TVP23C: variants seen among roughly 807,000 people sequenced by gnomAD.
The protein encoded by TVP23C is Golgi apparatus membrane protein TVP23 homolog C.
Under a neutral mutation model 28.7 loss-of-function variants are expected in TVP23C, and 19 were observed. That is an observed-to-expected ratio of 0.66 (90% CI 0.46 to 0.97). The LOEUF is 0.97. TVP23C is among the 50% of genes least tolerant of loss of function. The pLI is 0.00. For missense variants in TVP23C, 186 were observed against 241.3 expected, an observed-to-expected ratio of 0.77 and a Z score of 1.52; for synonymous variants, 68 against 81.7, an observed-to-expected ratio of 0.83 and a Z score of 0.90.
intron 5 of TVP23C, among the ~76,000 whole-genome samples, chr17:15,541,124 C>A (rs1417529155): frequency 6.6e-6 from 1 of 152,150 alleles, no homozygotes; most frequent in African/African-American, 2.4e-5. Flanking sequence ...TGTACTTTTG[C>A]AGAGCTGTTT....
exon 6 of TVP23C, chr17:15,503,125 C>A: frequency 6.2e-7 from 1 of 1,611,508 alleles, no homozygotes; most frequent in Non-Finnish European, 8.5e-7. Flanking sequence ...AGGGATGGCC[C>A]GGGCAGCGGC....
intron 5 of TVP23C, among the ~76,000 whole-genome samples, chr17:15,543,094 C>CA (rs745370503): frequency 3.3e-5 from 5 of 150,498 alleles, no homozygotes; most frequent in Non-Finnish European, 4.4e-5. Context: ...CACAGCCAAC[C>CA]AGCAGACAAG....
intron 3 of TVP23C, among the ~76,000 whole-genome samples, chr17:15,547,429 T>C (rs1173490670): frequency 6.6e-6 from 1 of 152,032 alleles, no homozygotes; most frequent in Non-Finnish European, 1.5e-5. Context: ...TTTCTCCAGT[T>C]CCCTAATTTT....
intron 5 of TVP23C, among the ~76,000 whole-genome samples, chr17:15,509,688 C>T (rs1981920101): frequency 6.6e-6 from 1 of 152,188 alleles, no homozygotes; most frequent in Non-Finnish European, 1.5e-5. Flanking sequence ...GATTGTGCCA[C>T]TGCACTCCAG....
intron 5 of TVP23C, among the ~76,000 whole-genome samples, chr17:15,545,511 A>G (rs1219983493): frequency 4.6e-5 from 7 of 152,420 alleles, no homozygotes; most frequent in Admixed American, 3.3e-4. Context: ...GTGATTTGTT[A>G]GGCAGCAATA....
chr17:15,548,741 A>G lies in TVP23C; in HGVS notation c.241-1593T>C, dbSNP rs143075257. Among the ~76,000 whole-genome samples the G allele has an allele frequency of 1.9e-3, 293 of 151,888 alleles. 2 individuals carry two copies. Among genetic ancestry groups the G allele is most frequent in the African/African-American group, 6.9e-3 (282 of 41,154 alleles). On this transcript the variant is annotated intron_variant, in intron 3 of 5. Transcript: ENST00000518321. Reference sequence around the variant, plus strand: ...TAGTCCTCCCTTATCTGCAGGGGATACATTCCAAGACCCCCAGCAGATGCC... The same window carrying G: ...TAGTCCTCCCTTATCTGCAGGGGATGCATTCCAAGACCCCCAGCAGATGCC...
At chr17:15,523,498 C>T (rs1567634469) in intron 5 of TVP23C, among the ~76,000 whole-genome samples, 2 of 149,382 alleles carry the variant, frequency 1.3e-5, no homozygotes, top group African/African-American at 2.5e-5. Context: ...TTTGTAGAGA[C>T]GGGTTTCACC....
At chr17:15,528,845 G>C (rs1378758420) in intron 5 of TVP23C, among the ~76,000 whole-genome samples, 2 of 151,326 alleles carry the variant, frequency 1.3e-5, no homozygotes, top group South Asian at 2.1e-4. Flanking sequence ...TGACCTGCCC[G>C]CCTCAGCCTC....
chr17:15,554,528 C>T (rs186418646), intron 2 of TVP23C, among the ~76,000 whole-genome samples: 2 of 152,194 alleles, frequency 1.3e-5, no homozygotes, highest in African/African-American at 4.8e-5. Context: ...TGAGCCATCG[C>T]GCCCAGCCTG....
intron 1 of TVP23C, among the ~76,000 whole-genome samples, chr17:15,561,355 T>A (rs1984377131): frequency 6.6e-6 from 1 of 152,112 alleles, no homozygotes; most frequent in Non-Finnish European, 1.5e-5. Context: ...TCCTAGCACT[T>A]TGGAAGGCCG....
At chr17:15,505,064 A>C (rs781087758) in intron 5 of TVP23C, among the ~76,000 whole-genome samples, 1 of 152,136 alleles carries the variant, frequency 6.6e-6, no homozygotes, top group Non-Finnish European at 1.5e-5. Flanking sequence ...CATTCAACGC[A>C]TGTGTGTTCT....
intron 1 of TVP23C, among the ~76,000 whole-genome samples, chr17:15,561,337 G>A (rs1324054390): frequency 3.9e-5 from 6 of 152,160 alleles, no homozygotes; most frequent in Non-Finnish European, 7.3e-5. Context: ...GGCGGCTCAC[G>A]CCTGTAATCC....
downstream of TVP23C, chr17:15,536,943 T>C (rs902197227): frequency 2.1e-5 from 7 of 326,420 alleles, no homozygotes; most frequent in Admixed American, 6.5e-5. Context: ...GTATTACATA[T>C]TTATCATGAG....
In TVP23C at chr17:15,531,461, C is replaced by T. The variant is rs188824922; in HGVS notation, c.462+14324G>A. Among the ~76,000 whole-genome samples, 1,248 of 152,254 alleles carry T rather than the reference C, an allele frequency of 8.2e-3. 4 individuals carry two copies. Among genetic ancestry groups the T allele is most frequent in the Non-Finnish European group, 0.012 (803 of 68,028 alleles). On this transcript the variant is annotated intron_variant, in intron 5 of 5. Transcript: ENST00000225576. ...GGTAACTTGATAAAATGCCACAGAT[C>T]CCTCAAGCTCTGTTCACTCTTCATT...
intron 1 of TVP23C, among the ~76,000 whole-genome samples, chr17:15,561,983 G>T (rs545321640): frequency 6.6e-6 from 1 of 152,036 alleles, no homozygotes; most frequent in Non-Finnish European, 1.5e-5. Context: ...TCCCAACAGC[G>T]CCATGCCAGT....
chr17:15,528,750 G>A (rs1228928332), intron 5 of TVP23C, among the ~76,000 whole-genome samples: 3 of 151,934 alleles, frequency 2.0e-5, no homozygotes, highest in East Asian at 3.9e-4. Context: ...GGCATGCGCC[G>A]CCACACCCAG....
chr17:15,509,188 C>A (rs1250649722), intron 5 of TVP23C, among the ~76,000 whole-genome samples: 1 of 152,152 alleles, frequency 6.6e-6, no homozygotes, highest in Non-Finnish European at 1.5e-5. Context: ...TATATCAGCT[C>A]CCAGGGTTGT....
intron 5 of TVP23C, among the ~76,000 whole-genome samples, chr17:15,544,851 A>G (rs927970162): frequency 1.3e-5 from 2 of 152,140 alleles, no homozygotes; most frequent in Non-Finnish European, 2.9e-5. Context: ...AAGAATCTAT[A>G]TCACAAAATA....
intron 1 of TVP23C, among the ~76,000 whole-genome samples, chr17:15,559,240 G>C (rs1303852523): frequency 7.9e-5 from 11 of 139,604 alleles, no homozygotes; most frequent in East Asian, 2.2e-4. Context: ...TTGAAAGACT[G>C]ATTTCTTCTC....
Sources: allele counts gnomAD v4.1 joint callset (sites outside exome capture counted in the v4.1 genomes callset), GRCh38; gene constraint gnomAD v4.1.1; transcripts MANE v1.5; gene names NCBI Gene and HGNC (gene_info 2026-07-23, HGNC 2026-07-21).